SLC7A2: variants seen among roughly 807,000 people sequenced by gnomAD.
The protein encoded by SLC7A2 is solute carrier family 7 member 2.
A neutral mutation model predicts 58.9 loss-of-function variants in SLC7A2; 48 were observed. The ratio of observed to expected loss-of-function variants is 0.82; its 90% confidence interval spans 0.65 to 1.04. The LOEUF is 1.04. SLC7A2 is among the 50% of genes least tolerant of loss of function. SLC7A2 has a pLI of 0.00. For synonymous variants in SLC7A2, 363 were observed against 314.5 expected, an observed-to-expected ratio of 1.15 and a Z score of -1.63; for missense variants, 1,029 against 818.8, an observed-to-expected ratio of 1.26 and a Z score of -3.13.
upstream of SLC7A2, among the ~76,000 whole-genome samples, chr8:17,496,444 A>G (rs957352629): frequency 6.6e-6 from 1 of 152,180 alleles, no homozygotes; most frequent in African/African-American, 2.4e-5. Flanking sequence ...ACTTAATCTT[A>G]TCAGAGACTC....
At chr8:17,504,853 G>GT (rs1339908018) in intron 2 of SLC7A2, among the ~76,000 whole-genome samples, 1 of 152,162 alleles carries the variant, frequency 6.6e-6, no homozygotes, top group African/African-American at 2.4e-5. Flanking sequence ...GACTTTTACA[G>GT]TTTTTTCTAA....
chr8:17,508,713 C>T (rs1563435031), intron 2 of SLC7A2, among the ~76,000 whole-genome samples: 1 of 150,160 alleles, frequency 6.7e-6, no homozygotes, highest in African/African-American at 2.5e-5. Context: ...GACTCTGTCT[C>T]AAAAAAAATA....
intron 2 of SLC7A2, among the ~76,000 whole-genome samples, chr8:17,504,360 C>A (rs1800283091): frequency 1.3e-5 from 2 of 152,128 alleles, no homozygotes; most frequent in Non-Finnish European, 1.5e-5. Context: ...GGGATTGAAA[C>A]CCTTACCTTT....
In SLC7A2 at chr8:17,544,616, C is replaced by G. The variant is rs1404025235; in HGVS notation, c.532+10C>G. On this transcript the variant is annotated intron_variant, in intron 4 of 12. Transcript: ENST00000494857. ...ATATTACTTCTAGCAGGTAAGAAAACCAGTTATGAGTCTCTGCAGAATGAG... is the reference window on the plus strand; with the variant it reads ...ATATTACTTCTAGCAGGTAAGAAAAGCAGTTATGAGTCTCTGCAGAATGAG... 1.9e-6 allele frequency: 3 copies of G among 1,612,370 alleles called. No individual in the cohort carries two copies. The highest frequency in any genetic ancestry group is 1.7e-5 in the Admixed American group (1 of 59,918).
intron 2 of SLC7A2, among the ~76,000 whole-genome samples, chr8:17,539,438 C>T (rs546952171): frequency 1.9e-4 from 29 of 152,262 alleles, no homozygotes; most frequent in Non-Finnish European, 3.7e-4. Context: ...GCCCTCCCTT[C>T]GCTAATTCTA....
chr8:17,496,966 G>A (rs1244771180), upstream of SLC7A2: 1 of 151,106 alleles, frequency 6.6e-6, no homozygotes, highest in Non-Finnish European at 1.5e-5. Flanking sequence ...AGCGCGGCCG[G>A]GGCCCGGCGG....
chr8:17,565,089 T>G lies in SLC7A2; in HGVS notation c.1920T>G (p.His640Gln). 1 of 1,614,006 alleles carries G rather than the reference T, an allele frequency of 6.2e-7. No individual in the cohort carries two copies. Among genetic ancestry groups the G allele is most frequent in the African/African-American group, 1.3e-5 (1 of 75,042 alleles). Residue 640 changes from histidine to glutamine, a missense_variant, in exon 13 of 13, where the codon CAT becomes CAG. Transcript: ENST00000494857. ...EEKSAIQAND[H>Q]HPRNLSSPFI... is the part of the protein sequence containing the mutation. Reference sequence around the variant, plus strand: ...AATCTGCCATTCAAGCAAATGACCATCACCCAAGAAATCTCAGTTCACCTT... The same window carrying G: ...AATCTGCCATTCAAGCAAATGACCAGCACCCAAGAAATCTCAGTTCACCTT...
At chr8:17,528,165 G>A (rs1430716039) in intron 2 of SLC7A2, among the ~76,000 whole-genome samples, 2 of 152,166 alleles carry the variant, frequency 1.3e-5, no homozygotes, top group African/African-American at 4.8e-5. Context: ...GAAGACAGCT[G>A]AGGAGACAGG....
At chr8:17,512,251 A>G (rs1800633372) in intron 2 of SLC7A2, among the ~76,000 whole-genome samples, 3 of 152,092 alleles carry the variant, frequency 2.0e-5, no homozygotes, top group Admixed American at 1.3e-4. Context: ...AAAATCCATC[A>G]TTAAAACAGA....
intron 2 of SLC7A2, among the ~76,000 whole-genome samples, chr8:17,532,300 A>ATTATCAGG (rs1375990044): frequency 2.7e-5 from 4 of 146,304 alleles, no homozygotes; most frequent in Non-Finnish European, 6.0e-5. Flanking sequence ...GAAGAATCAG[A>ATTATCAGG]TTAGTCATGG....
At position 17,561,982 on chromosome 8, in the gene SLC7A2, G is replaced by C; in HGVS notation, c.1543G>C (p.Gly515Arg). Reference sequence around the variant, plus strand: ...GGGCCTGAGTGTCTTGACCACTTACGGAGTTCATGCCATCACCAGGCTGGA... The same window carrying C: ...GGGCCTGAGTGTCTTGACCACTTACCGAGTTCATGCCATCACCAGGCTGGA... The part of the protein sequence containing the change: ...VLGLSVLTTY[G>R]VHAITRLEAW... The change falls in exon 11 of 13, where the codon GGA (glycine) becomes CGA (arginine). Residue 515 changes from glycine (G) to arginine (R), a missense_variant. By Grantham distance (125) the Gly-to-Arg change is moderately radical. Transcript: ENST00000494857. 6.2e-7 allele frequency: 1 copy of C among 1,614,040 alleles called. No individual in the cohort carries two copies. Among genetic ancestry groups the C allele is most frequent in the East Asian group, 2.2e-5 (1 of 44,868 alleles).
intron 2 of SLC7A2, among the ~76,000 whole-genome samples, chr8:17,532,686 A>G (rs533683129): frequency 6.6e-6 from 1 of 152,232 alleles, no homozygotes; most frequent in Non-Finnish European, 1.5e-5. Flanking sequence ...TAATAAGTAG[A>G]ATAGAAATGT....
intron 2 of SLC7A2, among the ~76,000 whole-genome samples, chr8:17,530,717 G>C: frequency 6.6e-6 from 1 of 151,852 alleles, no homozygotes; most frequent in East Asian, 1.9e-4. Context: ...GGACTACAGG[G>C]ACGTGCCACC....
At chr8:17,499,512 C>T (rs1370999719) in intron 1 of SLC7A2, among the ~76,000 whole-genome samples, 3 of 151,354 alleles carry the variant, frequency 2.0e-5, no homozygotes, top group Admixed American at 1.3e-4. Flanking sequence ...GGAGCACCTT[C>T]ATGTTGCTGT....
Position 17,554,582 on chromosome 8 carries a change from A to C in SLC7A2, c.1078A>C (p.Met360Leu). 1 of 1,605,118 alleles carries C rather than the reference A, an allele frequency of 6.2e-7. No individual in the cohort carries two copies. Among genetic ancestry groups the C allele is most frequent in the African/African-American group, 1.3e-5 (1 of 74,738 alleles). ...CAGTCTTCTTGGATCCATTTTCCCA[A>C]TGCCTCGTGTAATCTATGCTATGGC... ...STSLLGSIFPMPRVIYAMAED... is the reference protein window; with the variant it reads ...STSLLGSIFPLPRVIYAMAED... Residue 360 changes from methionine to leucine, a missense_variant, in exon 8 of 13, where the codon ATG becomes CTG. Coordinates refer to ENST00000494857, the MANE Select transcript of SLC7A2 (RefSeq NM_001370338.1).
intron 2 of SLC7A2, among the ~76,000 whole-genome samples, chr8:17,510,461 C>T (rs1330963649): frequency 6.6e-6 from 1 of 152,114 alleles, no homozygotes; most frequent in Non-Finnish European, 1.5e-5. Context: ...AGTGTAAAAG[C>T]GTTCCTATTT....
intron 9 of SLC7A2, 134 bp from the exon 10 acceptor site, chr8:17,560,194 C>G (rs1486148448): frequency 4.5e-6 from 3 of 661,858 alleles, no homozygotes; most frequent in Admixed American, 2.5e-5. Context: ...TGCTCTGGGA[C>G]TGGAGTCATA....
At chr8:17,559,157 A>G (rs1486864180) in intron 9 of SLC7A2, among the ~76,000 whole-genome samples, 6 of 152,202 alleles carry the variant, frequency 3.9e-5, no homozygotes, top group Non-Finnish European at 8.8e-5. Context: ...AAGGCTGCCA[A>G]GAAGGAGAAG....
chr8:17,495,387 C>A (rs1419619945), upstream of SLC7A2, among the ~76,000 whole-genome samples: 1 of 152,212 alleles, frequency 6.6e-6, no homozygotes, highest in Non-Finnish European at 1.5e-5. Flanking sequence ...TAAAAGTCCA[C>A]ACGCATCATT....
Sources: allele counts gnomAD v4.1 joint callset (sites outside exome capture counted in the v4.1 genomes callset), GRCh38; gene constraint gnomAD v4.1.1; transcripts MANE v1.5; gene names NCBI Gene and HGNC (gene_info 2026-07-23, HGNC 2026-07-21).